FTO: variants seen among roughly 807,000 people sequenced by gnomAD.
FTO encodes FTO alpha-ketoglutarate dependent dioxygenase.
Under a neutral mutation model 63.9 loss-of-function variants are expected in FTO, and 47 were observed. The ratio of observed to expected loss-of-function variants is 0.74; its 90% confidence interval spans 0.58 to 0.94. The LOEUF (loss-of-function observed/expected upper bound fraction) is 0.94, where lower values mean the gene tolerates loss of function less well. FTO is among the 40% of genes least tolerant of loss of function. The pLI, the probability that FTO is intolerant of heterozygous loss-of-function variation, is 0.00. For synonymous variants in FTO, 207 were observed against 224.4 expected (o/e 0.92, Z 0.69); for missense variants, 562 against 618.1 (o/e 0.91, Z 0.96).
chr16:53,967,961 A>G (rs1192013902), intron 8 of FTO, among the ~76,000 whole-genome samples: 1 of 152,250 alleles, frequency 6.6e-6, no homozygotes, highest in Non-Finnish European at 1.5e-5. Context: ...TTGAGAAAAC[A>G]TCACAAAATT....
intron 8 of FTO, among the ~76,000 whole-genome samples, chr16:53,962,543 GTTA>G (rs2083105947): frequency 6.6e-6 from 1 of 152,176 alleles, no homozygotes; most frequent in Non-Finnish European, 1.5e-5. Context: ...ATGGGGTTTT[GTTA>G]TTATGTTTCA....
chr16:54,075,316 T>C (rs1300514202), intron 8 of FTO, among the ~76,000 whole-genome samples: 1 of 152,198 alleles, frequency 6.6e-6, no homozygotes, highest in Non-Finnish European at 1.5e-5. Flanking sequence ...AAAAATGGTT[T>C]GTTCGCCTCT....
At chr16:54,050,111 T>C (rs1433981465) in intron 8 of FTO, among the ~76,000 whole-genome samples, 1 of 152,170 alleles carries the variant, frequency 6.6e-6, no homozygotes, top group Non-Finnish European at 1.5e-5. Flanking sequence ...GGGGAACAGT[T>C]GACCCAGTGT....
chr16:54,032,940 G>A (rs1658213664), intron 8 of FTO, among the ~76,000 whole-genome samples: 1 of 152,110 alleles, frequency 6.6e-6, no homozygotes, highest in Non-Finnish European at 1.5e-5. Context: ...CTCTGGCCAT[G>A]TGACATAACC....
chr16:53,815,162 C>T (rs1003493045), intron 2 of FTO, among the ~76,000 whole-genome samples: 4 of 151,926 alleles, frequency 2.6e-5, no homozygotes, highest in African/African-American at 4.8e-5. Flanking sequence ...AGAGCATTGG[C>T]GGTTACTCTG....
At chr16:54,003,752 T>A (rs1484688782) in intron 8 of FTO, among the ~76,000 whole-genome samples, 1 of 152,220 alleles carries the variant, frequency 6.6e-6, no homozygotes, top group Admixed American at 6.5e-5. Context: ...TCTAAACTCT[T>A]ATTTAACCTA....
chr16:53,935,528 G>A (rs1339066400), intron 8 of FTO: 1 of 152,108 alleles, frequency 6.6e-6, no homozygotes, highest in Non-Finnish European at 1.5e-5. Context: ...TTTTGGTGGT[G>A]TGGTCGGAGT....
intron 8 of FTO, among the ~76,000 whole-genome samples, chr16:54,030,300 T>C (rs2084798404): frequency 6.6e-6 from 1 of 152,188 alleles, no homozygotes; most frequent in South Asian, 2.1e-4. Context: ...GGATTCAACA[T>C]TTTTTTCTTC....
At chr16:53,878,222 T>A (rs1598889665) in intron 5 of FTO, among the ~76,000 whole-genome samples, 1 of 151,956 alleles carries the variant, frequency 6.6e-6, no homozygotes, top group Admixed American at 6.6e-5. Flanking sequence ...TGCTTGAGCC[T>A]AGGAGGCAGA....
intron 7 of FTO, among the ~76,000 whole-genome samples, chr16:53,898,363 T>C (rs2081322682): frequency 1.3e-5 from 2 of 152,214 alleles, no homozygotes; most frequent in African/African-American, 4.8e-5. Context: ...AGATCTCTGC[T>C]CATGTCACTT....
chr16:53,868,553 C>T (rs890722836), intron 4 of FTO, among the ~76,000 whole-genome samples: 3 of 146,724 alleles, frequency 2.0e-5, no homozygotes, highest in African/African-American at 8.2e-5. Flanking sequence ...GATAGGCACA[C>T]ATACATATAT....
At chr16:53,963,129 C>T (rs2083119803) in intron 8 of FTO, among the ~76,000 whole-genome samples, 1 of 152,140 alleles carries the variant, frequency 6.6e-6, no homozygotes, top group Admixed American at 6.6e-5. Flanking sequence ...CCTTCAGATG[C>T]ACATTCATTC....
chr16:53,957,648 G>A (rs1056623783), intron 8 of FTO, among the ~76,000 whole-genome samples: 24 of 152,200 alleles, frequency 1.6e-4, no homozygotes, highest in African/African-American at 3.9e-4. Context: ...TTTACTTGAC[G>A]TTGTTCTCAT....
chr16:53,965,832 G>T (rs1294997803), intron 8 of FTO: 1 of 151,302 alleles, frequency 6.6e-6, no homozygotes, highest in Non-Finnish European at 1.5e-5. Context: ...TGTAAAATCA[G>T]AATAATAATG....
intron 8 of FTO, among the ~76,000 whole-genome samples, chr16:53,980,923 A>C (rs1329935067): frequency 6.6e-6 from 1 of 152,250 alleles, no homozygotes; most frequent in Non-Finnish European, 1.5e-5. Flanking sequence ...AAATTCCAAC[A>C]GATTCATATT....
intron 8 of FTO, chr16:54,071,890 A>G (rs1256596664): frequency 2.0e-5 from 3 of 152,128 alleles, no homozygotes; most frequent in African/African-American, 7.2e-5. Flanking sequence ...CATCACATCA[A>G]TAGGGGAGTT....
At chr16:53,796,290 C>T (rs1405604072) in intron 1 of FTO, among the ~76,000 whole-genome samples, 3 of 152,076 alleles carry the variant, frequency 2.0e-5, no homozygotes, top group East Asian at 1.9e-4. Context: ...GTGATCGGCC[C>T]GCATTGGCCT....
At chr16:54,022,094 C>A (rs974114971) in intron 8 of FTO, among the ~76,000 whole-genome samples, 8 of 152,092 alleles carry the variant, frequency 5.3e-5, no homozygotes, top group Non-Finnish European at 1.2e-4. Context: ...TAGAACCTTT[C>A]CATCACTTCA....
At chr16:53,706,736 T>C (rs1250835517) in intron 1 of FTO, among the ~76,000 whole-genome samples, 2 of 152,244 alleles carry the variant, frequency 1.3e-5, no homozygotes, top group East Asian at 1.9e-4. Flanking sequence ...TGTTGTTGTA[T>C]GTATCCATAA....
Sources: gnomAD v4.1 joint callset for allele counts (sites outside exome capture counted in the v4.1 genomes callset) on GRCh38, gnomAD v4.1.1 for gene constraint, MANE v1.5 for transcripts, NCBI Gene and HGNC (gene_info 2026-07-23, HGNC 2026-07-21) for gene names.